The following ZNF267 variants were observed in gnomAD, a reference collection of about 807,000 sequenced individuals.
ZNF267 encodes the protein zinc finger (C2H2).
In ZNF267, 61 loss-of-function variants were observed where a neutral mutation model predicts 71.6. That is an observed-to-expected ratio of 0.85 (90% CI 0.69 to 1.05). The LOEUF is 1.05. Ranked by LOEUF, ZNF267 falls within the 50% of genes least tolerant of loss-of-function variation. The pLI, the probability that ZNF267 is intolerant of heterozygous loss-of-function variation, is 0.00. For missense variants in ZNF267, 852 were observed against 870.0 expected (o/e 0.98, Z 0.26); for synonymous variants, 288 against 293.2 (o/e 0.98, Z 0.18).
At chr16:31,877,717 G>A (rs2083861769) in intron 1 of ZNF267, among the ~76,000 whole-genome samples, 1 of 152,126 alleles carries the variant, frequency 6.6e-6, no homozygotes, top group South Asian at 2.1e-4. Flanking sequence ...GTCATAATAG[G>A]GTTGTTTTTT....
intron 3 of ZNF267, among the ~76,000 whole-genome samples, chr16:31,904,037 G>A (rs755558515): frequency 1.3e-4 from 20 of 152,252 alleles, no homozygotes; most frequent in Non-Finnish European, 2.4e-4. Flanking sequence ...TCTTCATTTC[G>A]TTATGTATCC....
intron 3 of ZNF267, among the ~76,000 whole-genome samples, chr16:31,888,769 T>A (rs2083940514): frequency 6.6e-6 from 1 of 152,092 alleles, no homozygotes; most frequent in Non-Finnish European, 1.5e-5. Flanking sequence ...TATTGTTTTG[T>A]TACTTTTTTG....
chr16:31,874,084 C>A, intron 1 of ZNF267, 115 bp downstream of exon 1: 1 of 1,229,974 alleles, frequency 8.1e-7, no homozygotes, highest in South Asian at 1.4e-5. Flanking sequence ...GGTCTGGGCC[C>A]CGAGTCCCAA....
intron 3 of ZNF267, among the ~76,000 whole-genome samples, chr16:31,905,042 T>C (rs1009338635): frequency 5.3e-5 from 8 of 152,312 alleles, no homozygotes; most frequent in Non-Finnish European, 1.0e-4. Context: ...CCTTCACTTA[T>C]GAAGCTTAGT....
At position 31,915,668 on chromosome 16, in the gene ZNF267, T is replaced by C. The variant is rs759085650; in HGVS notation, c.1419T>C (p.Tyr473=). 12 of 1,613,950 alleles carry C rather than the reference T, an allele frequency of 7.4e-6. No individual in the cohort carries two copies. In the South Asian group the frequency reaches 1.1e-4, roughly 15 times the overall value. ...LYKCKVCSKS[Y]ARSSNLIMHQ... Reference sequence around the variant, plus strand: ...AATGTAAAGTATGTAGCAAATCTTATGCTCGTTCTTCAAATCTTATTATGC... The same window carrying C: ...AATGTAAAGTATGTAGCAAATCTTACGCTCGTTCTTCAAATCTTATTATGC... The change falls in exon 4 of 4, where the codon TAT becomes TAC. Residue 473 remains tyrosine, a synonymous_variant. Transcript: ENST00000300870.
chr16:31,884,704 T>G (rs2083911948), intron 2 of ZNF267, 80 bp downstream of exon 2: 5 of 1,404,916 alleles, frequency 3.6e-6, no homozygotes, highest in Non-Finnish European at 3.8e-6. Flanking sequence ...GATCTTGTGC[T>G]TTGTATGAGT....
rs769934396 is a variant in ZNF267, at chr16:31,915,757, GT to G, written c.1509del (p.Ser504ValfsTer261). 6.2e-7 allele frequency: 1 copy of G among 1,612,596 alleles called. No individual in the cohort carries two copies. Among genetic ancestry groups the G allele is most frequent in the Admixed American group, 1.7e-5 (1 of 59,942 alleles). The part of the protein sequence containing the change: ...KCKECGKVFS[R>X]SSCLTQHRKI... ...AAAGAATGTGGCAAAGTCTTTAGCC[GT>G]AGTTCTTGCCTTACTCAACATCGGA... On this transcript the variant is annotated frameshift_variant, in exon 4 of 4. Coordinates refer to ENST00000300870, the MANE Select transcript of ZNF267 (RefSeq NM_003414.6). LOFTEE classifies it high-confidence loss of function.
Position 31,898,785 on chromosome 16 carries a change from C to T in ZNF267, c.226+13529C>T, listed in dbSNP as rs571782146. 9.2e-5 allele frequency among the ~76,000 whole-genome samples: 14 copies of T among 151,994 alleles called. No individual in the cohort carries two copies. In the South Asian group the frequency reaches 1.2e-3, roughly 14 times the overall value. On this transcript the variant is annotated intron_variant, in intron 3 of 3. Coordinates refer to ENST00000300870, the MANE Select transcript of ZNF267 (RefSeq NM_003414.6). The stretch of plus-strand genomic sequence containing the variant: ...TTGTGAATCCATTAACACAGATTTA[C>T]GGTTATTTTTAAGTGTTGTCTTTTC...
chr16:31,912,472 A>T (rs183817659), intron 3 of ZNF267: 1 of 151,406 alleles, frequency 6.6e-6, no homozygotes, highest in East Asian at 1.9e-4. Flanking sequence ...AGGATCCTTT[A>T]TTCTTAATTT....
chr16:31,873,830 C>G lies in ZNF267; in HGVS notation c.-137C>G, dbSNP rs576582554. Reference sequence around the variant, plus strand: ...CCAGTTAGAGCTCGGGTCTCCTCGCCACAGCTCCGAGTCTTTCGTTCTGGG... The same window carrying G: ...CCAGTTAGAGCTCGGGTCTCCTCGCGACAGCTCCGAGTCTTTCGTTCTGGG... On this transcript the variant is annotated 5_prime_UTR_variant, in exon 1 of 4. Transcript: ENST00000300870. 6 of 1,262,694 alleles carry G rather than the reference C, an allele frequency of 4.8e-6. No homozygotes were observed. The African/African-American group carries it at 7.4e-5, about 15-fold the overall frequency. The allele number at this position is 1,262,694 out of a possible 1,614,324, so 78.2% of individuals were successfully genotyped here.
chr16:31,880,075 G>A (rs1234738066), intron 1 of ZNF267, among the ~76,000 whole-genome samples: 2 of 152,070 alleles, frequency 1.3e-5, no homozygotes, highest in Non-Finnish European at 2.9e-5. Context: ...TTCCACCTGG[G>A]GTCTGCACAT....
rs1181616380 is a variant in ZNF267 at position 31,915,338 on chromosome 16, T to TA, written c.1090dup (p.Ser364LysfsTer6). The stretch of plus-strand genomic sequence containing the variant: ...GTGGCAAGGTCTTTAACCTTAACTG[T>TA]AGTTTATACCTTACTAAACAGCAGC... On this transcript the variant is annotated frameshift_variant, in exon 4 of 4. Transcript: ENST00000300870. LOFTEE classifies it high-confidence loss of function. The TA allele has an allele frequency of 6.2e-7, 1 of 1,613,780 alleles. No individual in the cohort carries two copies.
chr16:31,892,751 A>G (rs890427690), intron 3 of ZNF267, among the ~76,000 whole-genome samples: 6 of 152,250 alleles, frequency 3.9e-5, no homozygotes, highest in Non-Finnish European at 5.9e-5. Flanking sequence ...CTTTGACTCC[A>G]TGTCTCACAT....
intron 3 of ZNF267, among the ~76,000 whole-genome samples, chr16:31,895,330 A>G (rs1256554034): frequency 6.6e-6 from 1 of 152,238 alleles, no homozygotes; most frequent in African/African-American, 2.4e-5. Flanking sequence ...AGTATTTAAT[A>G]GTATGTACGT....
chr16:31,894,708 A>G lies in ZNF267; in HGVS notation c.226+9452A>G, dbSNP rs937059126. On this transcript the variant is annotated intron_variant, in intron 3 of 3. Transcript: ENST00000300870. ...TGAGATACCGCTCATGCCTGGAGAC[A>G]GGGCATTCCAAATGCTCTAATAGTA... 7 of 477,232 alleles carry G rather than the reference A, an allele frequency of 1.5e-5. No individual in the cohort carries two copies. In the East Asian group the frequency reaches 3.8e-4, roughly 26 times the overall value. 29.6% of individuals were successfully genotyped at this position (477,232 alleles called of 1,614,324 possible).
intron 2 of ZNF267, 45 bp downstream of exon 2, chr16:31,884,669 A>C (rs755157974): frequency 1.0e-5 from 16 of 1,570,392 alleles, no homozygotes; most frequent in South Asian, 3.6e-5. Flanking sequence ...TAAGAGTTTT[A>C]TTTTCTTTTC....
chr16:31,916,046 T>C lies in ZNF267; in HGVS notation c.1797T>C (p.Thr599=). The change falls in exon 4 of 4, where the codon ACT becomes ACC. Residue 599 remains threonine, a synonymous_variant. Coordinates refer to ENST00000300870, the MANE Select transcript of ZNF267 (RefSeq NM_003414.6). The stretch of plus-strand genomic sequence containing the variant: ...TTACTGTGCATCGGCGAACTCATAC[T>C]GGAGAGAAACCCTATACATGTAAAG... ...SGLTVHRRTH[T]GEKPYTCKEC... is the part of the protein sequence containing the mutation. The C allele has an allele frequency of 6.2e-7, 1 of 1,614,100 alleles. No individual in the cohort carries two copies. The highest frequency in any genetic ancestry group is 8.5e-7 in the Non-Finnish European group (1 of 1,180,022).
intron 3 of ZNF267, among the ~76,000 whole-genome samples, chr16:31,908,607 A>G (rs1442940709): frequency 6.6e-6 from 1 of 152,046 alleles, no homozygotes; most frequent in African/African-American, 2.4e-5. Flanking sequence ...TCTGTTTTTA[A>G]TGAATAGCTT....
At chr16:31,892,240 G>T (rs1017819515) in intron 3 of ZNF267, among the ~76,000 whole-genome samples, 4 of 152,136 alleles carry the variant, frequency 2.6e-5, no homozygotes, top group African/African-American at 9.7e-5. Context: ...GAGGGAGCTT[G>T]TGCAGATAAA....
Sources: gnomAD v4.1 joint callset for allele counts (sites outside exome capture counted in the v4.1 genomes callset) on GRCh38, gnomAD v4.1.1 for gene constraint, MANE v1.5 for transcripts, NCBI Gene and HGNC (gene_info 2026-07-23, HGNC 2026-07-21) for gene names.